The following SINHCAF variants were observed in gnomAD, a reference collection of about 807,000 sequenced individuals.
The protein encoded by SINHCAF is SIN3-HDAC complex-associated factor.
SINHCAF carries 3 observed loss-of-function variants against 25.8 expected under a neutral mutation model. The ratio of observed to expected loss-of-function variants is 0.12; its 90% CI spans 0.05 to 0.30. SINHCAF has a LOEUF of 0.30. SINHCAF is among the 10% of genes least tolerant of loss of function. The pLI is 1.00. For missense variants in SINHCAF, 121 were observed against 262.3 expected, an observed-to-expected ratio of 0.46 and a Z score of 3.72; for synonymous variants, 70 against 85.5, an observed-to-expected ratio of 0.82 and a Z score of 1.00.
chr12:31,312,943 AAAGGT>A (rs975606493), intron 1 of SINHCAF, among the ~76,000 whole-genome samples: 1 of 152,214 alleles, frequency 6.6e-6, no homozygotes, highest in African/African-American at 2.4e-5. Flanking sequence ...ACATGGCATT[AAAGGT>A]AAGGGTCAAA....
rs1013879983 is a variant in SINHCAF at position 31,324,785 on chromosome 12, GC to G, written c.-21+1238del. ...CGCGCCCCGAAGAGTCCGGAGCCTG[GC>G]CCCCCGACCCTCCCCTCGGGAGCAG... On this transcript the variant is annotated intron_variant, in intron 1 of 5. Coordinates refer to ENST00000337682, the MANE Select transcript of SINHCAF (RefSeq NM_001135812.2). The surrounding 1 kb of genome is among the most constrained non-coding windows in gnomAD (Gnocchi z 5.5). The G allele has an allele frequency of 3.3e-5, 12 of 360,064 alleles. No individual in the cohort carries two copies. The highest frequency in any genetic ancestry group is 1.1e-4 in the Admixed American group (3 of 27,596). 22.3% of individuals were successfully genotyped at this position (360,064 alleles called of 1,614,324 possible). A position where few individuals can be genotyped will look rare whatever the true frequency, so the allele number is the denominator to read the frequency against.
At chr12:31,305,161 AC>A (rs1938969075) in intron 1 of SINHCAF, 1 of 152,134 alleles carries the variant, frequency 6.6e-6, no homozygotes, top group Non-Finnish European at 1.5e-5. Flanking sequence ...TGAGTCTACA[AC>A]CTTTAACTCT....
chr12:31,311,341 A>T (rs1454073170), intron 1 of SINHCAF, among the ~76,000 whole-genome samples: 1 of 152,182 alleles, frequency 6.6e-6, no homozygotes, highest in Non-Finnish European at 1.5e-5. Flanking sequence ...AGCAGCTGAA[A>T]CCAGCATGTA....
intron 1 of SINHCAF, among the ~76,000 whole-genome samples, chr12:31,315,135 G>C (rs1939446952): frequency 6.6e-6 from 1 of 152,226 alleles, no homozygotes; most frequent in African/African-American, 2.4e-5. Context: ...ATGAGGCACA[G>C]TCTTTATATA....
At chr12:31,297,542 G>A (rs907263478) in intron 2 of SINHCAF, among the ~76,000 whole-genome samples, 3 of 140,582 alleles carry the variant, frequency 2.1e-5, no homozygotes, top group African/African-American at 8.1e-5. Context: ...GCGTGATCTC[G>A]GCTCACTACA....
At chr12:31,298,312 A>G (rs1315664744) in intron 1 of SINHCAF, 88 bp from the exon 2 acceptor site, 4 of 1,513,760 alleles carry the variant, frequency 2.6e-6, no homozygotes, top group African/African-American at 1.4e-5. Flanking sequence ...CCCACCCCCA[A>G]GCAACTTGGT....
intron 2 of SINHCAF, among the ~76,000 whole-genome samples, 172 bp downstream of exon 2, chr12:31,297,905 A>C (rs1938613662): frequency 6.6e-6 from 1 of 152,200 alleles, no homozygotes; most frequent in Non-Finnish European, 1.5e-5. Context: ...GGAAAAAAGT[A>C]GGCTGTCAGC....
In SINHCAF at chr12:31,325,431, G is replaced by A. The variant is rs1009910239; in HGVS notation, c.-21+593C>T. ...AGCCCAGCACTGACCCCCAAAGGCC[G>A]ATTTAAAGACCCTCGGCCGCCAGCT... On this transcript the variant is annotated intron_variant, in intron 1 of 5. Transcript: ENST00000337682. The surrounding 1 kb of genome is among the most constrained non-coding windows in gnomAD (Gnocchi z 5.9). The A allele has an allele frequency of 5.7e-6, 2 of 350,338 alleles. No individual in the cohort carries two copies. Among genetic ancestry groups the A allele is most frequent in the Non-Finnish European group, 1.1e-5 (2 of 175,800 alleles). The allele number at this position is 350,338 out of a possible 1,614,324, so 21.7% of individuals were successfully genotyped here. A position where few individuals can be genotyped will look rare whatever the true frequency, so the allele number is the denominator to read the frequency against.
chr12:31,294,077 A>G, intron 3 of SINHCAF, 146 bp from the exon 4 acceptor site: 2 of 545,982 alleles, frequency 3.7e-6, no homozygotes, highest in South Asian at 3.4e-5. Flanking sequence ...ATCACATGAC[A>G]TAAGGGAATA....
intron 2 of SINHCAF, chr12:31,296,855 C>T (rs1938570694): frequency 3.4e-6 from 1 of 295,146 alleles, no homozygotes; most frequent in African/African-American, 2.2e-5. Flanking sequence ...GACTCTGTCT[C>T]AAACAAACCA....
In SINHCAF at chr12:31,289,648, T is replaced by C. The variant is rs1938221275; in HGVS notation, c.356-1864A>G. On this transcript the variant is annotated intron_variant, in intron 4 of 5. Transcript: ENST00000337682. The stretch of plus-strand genomic sequence containing the variant: ...GTATCATAAACCTCATAAACACAGG[T>C]GGGGCCTACCATACACCTTGCCCAT... Among the ~76,000 whole-genome samples, 3 of 152,148 alleles carry C rather than the reference T, an allele frequency of 2.0e-5. No homozygotes were observed. The South Asian group carries it at 6.2e-4, about 31-fold the overall frequency.
intron 5 of SINHCAF, among the ~76,000 whole-genome samples, chr12:31,285,458 A>AC (rs1565488068): frequency 3.0e-5 from 2 of 67,048 alleles, no homozygotes; most frequent in Non-Finnish European, 7.1e-5. Context: ...CACACACATA[A>AC]ATAAATGTTA....
intron 1 of SINHCAF, chr12:31,312,018 G>A: frequency 1.5e-6 from 1 of 679,696 alleles, no homozygotes. Flanking sequence ...TGGCAAAGGA[G>A]AAGTAACTTT....
intron 1 of SINHCAF, among the ~76,000 whole-genome samples, chr12:31,308,220 G>A (rs572548747): frequency 2.0e-5 from 3 of 152,154 alleles, no homozygotes; most frequent in African/African-American, 7.2e-5. Flanking sequence ...GATTACAGGC[G>A]TGAACCACCG....
chr12:31,315,891 C>G (rs960200488), intron 1 of SINHCAF, among the ~76,000 whole-genome samples: 11 of 152,172 alleles, frequency 7.2e-5, no homozygotes, highest in Admixed American at 6.5e-5. Flanking sequence ...CATGGCCGGG[C>G]GTGGTGGCTC....
intron 2 of SINHCAF, 130 bp downstream of exon 2, chr12:31,297,947 T>TA: frequency 3.1e-6 from 3 of 959,378 alleles, no homozygotes; most frequent in Non-Finnish European, 4.7e-6. Flanking sequence ...GCAGGAGACT[T>TA]ACACAGCCTA....
chr12:31,316,428 G>T (rs1939498770), intron 1 of SINHCAF, among the ~76,000 whole-genome samples: 1 of 152,080 alleles, frequency 6.6e-6, no homozygotes, highest in African/African-American at 2.4e-5. Context: ...TAAATTTAAT[G>T]ATCTTAATGA....
At position 31,321,626 on chromosome 12, in the gene SINHCAF, A is replaced by G. The variant is rs147594624; in HGVS notation, c.-21+4398T>C. The stretch of plus-strand genomic sequence containing the variant: ...AAAAAAACTGGATCACAAAGTGACT[A>G]TAAGATGATGACAGCTTTGAAACCC... On this transcript the variant is annotated intron_variant, in intron 1 of 5. Coordinates refer to ENST00000337682, the MANE Select transcript of SINHCAF (RefSeq NM_001135812.2). 1.4e-3 allele frequency among the ~76,000 whole-genome samples: 206 copies of G among 152,346 alleles called. 1 individual carries two copies. In the East Asian group the frequency reaches 0.035, roughly 26 times the overall value.
At chr12:31,304,997 T>G (rs1336513633) in intron 1 of SINHCAF, 1 of 152,174 alleles carries the variant, frequency 6.6e-6, no homozygotes, top group Non-Finnish European at 1.5e-5. Context: ...TGGTCTGAAG[T>G]CTTAGGTCAA....
Sources: allele counts gnomAD v4.1 joint callset (sites outside exome capture counted in the v4.1 genomes callset), GRCh38; gene constraint gnomAD v4.1.1; non-coding constraint Gnocchi (gnomAD v3.1); transcripts MANE v1.5; gene names NCBI Gene and HGNC (gene_info 2026-07-23, HGNC 2026-07-21).